KCNQ5: variants seen among roughly 807,000 people sequenced by gnomAD.
The protein encoded by KCNQ5 is potassium voltage-gated channel subfamily Q member 5.
In KCNQ5, 30 loss-of-function variants were observed where a neutral mutation model predicts 98.2. That is an observed-to-expected ratio of 0.31 (90% CI 0.23 to 0.41). The LOEUF (loss-of-function observed/expected upper bound fraction) is 0.41. Among genes scored for constraint, KCNQ5 ranks in the 10% least tolerant of loss-of-function variants. The pLI, the probability that KCNQ5 is intolerant of heterozygous loss-of-function variation, is 1.00. For missense variants in KCNQ5, 835 were observed against 1,182.5 expected, an observed-to-expected ratio of 0.71 and a Z score of 4.31; for synonymous variants, 458 against 449.4, an observed-to-expected ratio of 1.02 and a Z score of -0.24.
chr6:73,101,176 A>G (rs925669406), intron 5 of KCNQ5, among the ~76,000 whole-genome samples: 3 of 152,196 alleles, frequency 2.0e-5, no homozygotes, highest in Non-Finnish European at 2.9e-5. Flanking sequence ...CAGACAAAAA[A>G]TGCATTTAAA....
intron 2 of KCNQ5, among the ~76,000 whole-genome samples, chr6:73,018,104 A>G (rs1770433492): frequency 6.6e-6 from 1 of 152,190 alleles, no homozygotes; most frequent in Non-Finnish European, 1.5e-5. Context: ...ATGCAGAAAT[A>G]GAGAAGGGCC....
At chr6:72,953,170 A>G (rs1188436055) in intron 1 of KCNQ5, among the ~76,000 whole-genome samples, 3 of 152,068 alleles carry the variant, frequency 2.0e-5, no homozygotes, top group Non-Finnish European at 4.4e-5. Flanking sequence ...GGACCTTACA[A>G]CCCCATGATG....
intron 1 of KCNQ5, among the ~76,000 whole-genome samples, chr6:72,758,555 G>A (rs892212287): frequency 2.6e-5 from 4 of 152,118 alleles, no homozygotes; most frequent in Non-Finnish European, 4.4e-5. Context: ...GAGTCCAAGA[G>A]AGTAGAGAGG....
chr6:72,865,083 T>C (rs1777925115), intron 1 of KCNQ5, among the ~76,000 whole-genome samples: 1 of 152,226 alleles, frequency 6.6e-6, no homozygotes, highest in South Asian at 2.1e-4. Flanking sequence ...ACTGCATCTT[T>C]GGAGTTAGAT....
At chr6:72,790,273 A>T (rs1162043815) in intron 1 of KCNQ5, among the ~76,000 whole-genome samples, 1 of 152,228 alleles carries the variant, frequency 6.6e-6, no homozygotes, top group Non-Finnish European at 1.5e-5. Flanking sequence ...TGATAAGGCC[A>T]CTAAAGCCCA....
In KCNQ5 at chr6:72,987,527, C is replaced by G. The variant is rs1341263217; in HGVS notation, c.399-16381C>G. ...ACCTGTCCCCTTCGTTCAGCCGCCA[C>G]CCCCTCCAAGCCCCGCAGCACGATT... On this transcript the variant is annotated intron_variant, in intron 1 of 13. Transcript: ENST00000370398. 3.3e-5 allele frequency: 22 copies of G among 659,068 alleles called. No homozygotes were observed. The Admixed American group carries it at 4.1e-4, about 12-fold the overall frequency. 40.8% of individuals were successfully genotyped at this position (659,068 alleles called of 1,614,324 possible).
intron 10 of KCNQ5, among the ~76,000 whole-genome samples, chr6:73,152,356 T>TTGC (rs1777186916): frequency 6.6e-6 from 1 of 152,154 alleles, no homozygotes; most frequent in African/African-American, 2.4e-5. Flanking sequence ...TTCTACCTCT[T>TTGC]TGTCTTTTTG....
At chr6:72,653,966 A>G (rs1177407470) in intron 1 of KCNQ5, among the ~76,000 whole-genome samples, 1 of 152,106 alleles carries the variant, frequency 6.6e-6, no homozygotes, top group Non-Finnish European at 1.5e-5. Flanking sequence ...GAAAATAAAT[A>G]AAAATAATAC....
intron 1 of KCNQ5, among the ~76,000 whole-genome samples, chr6:72,922,005 G>T (rs1278747868): frequency 2.6e-5 from 4 of 152,196 alleles, no homozygotes; most frequent in Non-Finnish European, 5.9e-5. Flanking sequence ...GTGGGTGGGA[G>T]AGAACAGAGC....
At chr6:72,903,858 G>C (rs1461413483) in intron 1 of KCNQ5, among the ~76,000 whole-genome samples, 1 of 152,132 alleles carries the variant, frequency 6.6e-6, no homozygotes, top group East Asian at 1.9e-4. Context: ...TTGTTCCAAG[G>C]TATAGTTTAA....
chr6:72,816,001 A>G (rs1775493888), intron 1 of KCNQ5, among the ~76,000 whole-genome samples: 1 of 152,160 alleles, frequency 6.6e-6, no homozygotes, highest in Non-Finnish European at 1.5e-5. Context: ...CAAAGGAGAA[A>G]ATGCCTGAGA....
intron 2 of KCNQ5, among the ~76,000 whole-genome samples, chr6:73,018,911 T>C (rs1770467764): frequency 6.6e-6 from 1 of 152,180 alleles, no homozygotes; most frequent in Admixed American, 6.5e-5. Flanking sequence ...AGTACTGCCA[T>C]GTCTACCTTC....
At chr6:73,054,462 G>T (rs995258573) in intron 3 of KCNQ5, among the ~76,000 whole-genome samples, 1 of 152,156 alleles carries the variant, frequency 6.6e-6, no homozygotes, top group African/African-American at 2.4e-5. Context: ...CTAGTGAAAT[G>T]AATCCAGCAG....
intron 1 of KCNQ5, among the ~76,000 whole-genome samples, chr6:72,834,091 A>G (rs1252010736): frequency 6.6e-6 from 1 of 152,136 alleles, no homozygotes; most frequent in Non-Finnish European, 1.5e-5. Context: ...TGAAAAATGT[A>G]TTTCTTTTAC....
At chr6:72,915,071 A>T (rs1446569798) in intron 1 of KCNQ5, among the ~76,000 whole-genome samples, 1 of 152,192 alleles carries the variant, frequency 6.6e-6, no homozygotes, top group African/African-American at 2.4e-5. Context: ...CTGTTAATTT[A>T]AAAAAAGATA....
intron 1 of KCNQ5, among the ~76,000 whole-genome samples, chr6:72,878,423 T>C (rs1778507501): frequency 1.2e-5 from 1 of 84,526 alleles, no homozygotes; most frequent in South Asian, 3.5e-4. Context: ...CCAGGAGGCT[T>C]TTTTTCCCCC....
At chr6:72,839,121 G>A (rs1157132271) in intron 1 of KCNQ5, among the ~76,000 whole-genome samples, 2 of 151,520 alleles carry the variant, frequency 1.3e-5, no homozygotes, top group African/African-American at 2.4e-5. Flanking sequence ...ATGGCCTTTC[G>A]AGAGCAGTAG....
chr6:73,130,845 G>T (rs1011279035), intron 9 of KCNQ5, among the ~76,000 whole-genome samples: 1 of 152,128 alleles, frequency 6.6e-6, no homozygotes, highest in Non-Finnish European at 1.5e-5. Flanking sequence ...TTCTTGATTA[G>T]AATCTTATTC....
At chr6:72,809,094 G>A (rs1343989336) in intron 1 of KCNQ5, among the ~76,000 whole-genome samples, 1 of 151,772 alleles carries the variant, frequency 6.6e-6, no homozygotes, top group South Asian at 2.1e-4. Context: ...CCTTTGTAGG[G>A]ACATGGATGA....
Sources: gnomAD v4.1 joint callset for allele counts (sites outside exome capture counted in the v4.1 genomes callset) on GRCh38, gnomAD v4.1.1 for gene constraint, MANE v1.5 for transcripts, NCBI Gene and HGNC (gene_info 2026-07-23, HGNC 2026-07-21) for gene names.